Variants in RING1 observed in about 807,000 individuals in gnomAD.
RING1 encodes E3 ubiquitin-protein ligase RING1.
In RING1, 8 loss-of-function variants were observed where a neutral mutation model predicts 35.0. The observed-to-expected ratio is 0.23, with a 90% CI of 0.13 to 0.41. The LOEUF (loss-of-function observed/expected upper bound fraction) is 0.41, where lower values mean the gene tolerates loss of function less well. Among genes scored for constraint, RING1 ranks in the 10% least tolerant of loss-of-function variants. The probability of loss-of-function intolerance (pLI) is 1.00; values close to 1 mark genes in which losing one functional copy is unlikely to be tolerated. For missense variants in RING1, 343 were observed against 546.8 expected (o/e 0.63, Z 3.72); for synonymous variants, 214 against 224.3 (o/e 0.95, Z 0.41).
chr6:33,211,230 C>T lies in RING1; in HGVS notation c.528C>T (p.Pro176=), dbSNP rs373876015. 6.0e-5 allele frequency: 97 copies of T among 1,612,582 alleles called. No individual in the cohort carries two copies. The highest frequency in any genetic ancestry group is 7.4e-5 in the Non-Finnish European group (87 of 1,179,964). The part of the protein sequence containing the change: ...TTTMSGGEGE[P]GEGEGDGEDV... Reference sequence around the variant, plus strand: ...CGATGAGTGGGGGGGAAGGAGAGCCCGGGGAGGGAGAAGGGGATGGAGAAG... The same window carrying T: ...CGATGAGTGGGGGGGAAGGAGAGCCTGGGGAGGGAGAAGGGGATGGAGAAG... The change falls in exon 5 of 7, where the codon CCC becomes CCT. Residue 176 remains proline (P), a synonymous_variant. Coordinates refer to ENST00000374656, the MANE Select transcript of RING1 (RefSeq NM_002931.4). The surrounding 1 kb of genome is among the most constrained non-coding windows in gnomAD (Gnocchi z 6.3).
At chr6:33,212,262 CTCTT>C (rs1775600329) in intron 6 of RING1, 32 bp from the exon 7 acceptor site, 8 of 1,401,568 alleles carry the variant, frequency 5.7e-6, no homozygotes, top group Non-Finnish European at 7.9e-6. Context: ...ACTTTCCTCT[CTCTT>C]TTCCCCTCTC....
In RING1 at chr6:33,209,596, C is replaced by T; in HGVS notation, c.79-30C>T. 1.2e-6 allele frequency: 2 copies of T among 1,603,504 alleles called. No individual in the cohort carries two copies. The highest frequency in any genetic ancestry group is 1.7e-6 in the Non-Finnish European group (2 of 1,173,160). On this transcript the variant is annotated intron_variant, in intron 2 of 6. Coordinates refer to ENST00000374656, the MANE Select transcript of RING1 (RefSeq NM_002931.4). This position sits in a 1 kb window ranked among gnomAD's most constrained non-coding sequence, Gnocchi z 5.1. ...CTAAAACCCCTTTCCCTCTAACCCA[C>T]ACCACCTTTCTACTCACTGATGCCT...
At position 33,209,593 on chromosome 6, in the gene RING1, C is replaced by G; in HGVS notation, c.79-33C>G. ...TTTCTAAAACCCCTTTCCCTCTAAC[C>G]CACACCACCTTTCTACTCACTGATG... is the stretch of plus-strand genomic sequence containing the variant. On this transcript the variant is annotated intron_variant, in intron 2 of 6. Coordinates refer to ENST00000374656, the MANE Select transcript of RING1 (RefSeq NM_002931.4). The surrounding 1 kb of genome is among the most constrained non-coding windows in gnomAD (Gnocchi z 5.1). 6.2e-7 allele frequency: 1 copy of G among 1,602,218 alleles called. No individual in the cohort carries two copies. Among genetic ancestry groups the G allele is most frequent in the East Asian group, 2.2e-5 (1 of 44,652 alleles).
Position 33,209,306 on chromosome 6 carries a change from G to T in RING1, c.79-320G>T, listed in dbSNP as rs997462658. 13 of 565,578 alleles carry T rather than the reference G, an allele frequency of 2.3e-5. No individual in the cohort carries two copies. The highest frequency in any genetic ancestry group is 3.8e-5 in the Non-Finnish European group (12 of 316,296). The allele number at this position is 565,578 out of a possible 1,614,324, so 35.0% of individuals were successfully genotyped here. ...GGCACCCTATGGGGTTCTAATACAG[G>T]TAGCACCAGGACTTTAAAAAATTTT... is the stretch of plus-strand genomic sequence containing the variant. On this transcript the variant is annotated intron_variant, in intron 2 of 6. Transcript: ENST00000374656. The surrounding 1 kb of genome is among the most constrained non-coding windows in gnomAD (Gnocchi z 5.1).
At position 33,211,128 on chromosome 6, in the gene RING1, C is replaced by T. The variant is rs1345368364; in HGVS notation, c.456-30C>T. The stretch of plus-strand genomic sequence containing the variant: ...AAGTCTAAGCCCTTTATCCTGGATG[C>T]CTTCTAACCTTAACCACTTGCTTCT... On this transcript the variant is annotated intron_variant, in intron 4 of 6. Coordinates refer to ENST00000374656, the MANE Select transcript of RING1 (RefSeq NM_002931.4). This position sits in a 1 kb window ranked among gnomAD's most constrained non-coding sequence, Gnocchi z 6.3. The T allele has an allele frequency of 6.5e-7, 1 of 1,541,692 alleles. No individual in the cohort carries two copies. The highest frequency in any genetic ancestry group is 8.8e-7 in the Non-Finnish European group (1 of 1,142,140).
At chr6:33,212,253 C>G in intron 6 of RING1, 45 bp from the exon 7 acceptor site, 1 of 1,344,370 alleles carries the variant, frequency 7.4e-7, no homozygotes, top group Non-Finnish European at 1.0e-6. Context: ...TCTTCTCCAA[C>G]TTTCCTCTCT....
At position 33,212,457 on chromosome 6, in the gene RING1, A is replaced by G. The variant is rs569812532; in HGVS notation, c.*58A>G. The G allele has an allele frequency of 4.9e-5, 57 of 1,161,682 alleles. No homozygotes were observed. The East Asian group carries it at 1.3e-3, about 26-fold the overall frequency. The allele number at this position is 1,161,682 out of a possible 1,614,324, so 72.0% of individuals were successfully genotyped here. A position where few individuals can be genotyped will look rare whatever the true frequency, so the allele number is the denominator to read the frequency against. On this transcript the variant is annotated 3_prime_UTR_variant, in exon 7 of 7. Transcript: ENST00000374656. ...ATGGGGTATCCCTGTGTCCTGGTCT[A>G]TCACCCCAGCTTCTTTGTCCCCCAG...
rs1775570359 is a variant in RING1 at position 33,211,938 on chromosome 6, G to T, written c.1055G>T (p.Ser352Ile). ...GGTCCTGAGGAGCCTGCTTTGCCCA[G>T]CCTGGAGGGCGTCAGTGAAAAGCAG... The part of the protein sequence containing the change: ...GDGPEEPALP[S>I]LEGVSEKQYT... The change falls in exon 6 of 7, where the codon AGC (serine) becomes ATC (isoleucine). Residue 352 changes from serine (S) to isoleucine (I), a missense_variant. By Grantham distance (142) the Ser-to-Ile change is moderately radical. Around this residue, in one of 2 missense-constraint regions of RING1, gnomAD observed 278 missense variants for 383.5 expected, o/e 0.72. Transcript: ENST00000374656. This position sits in a 1 kb window ranked among gnomAD's most constrained non-coding sequence, Gnocchi z 6.3. 4 of 1,593,300 alleles carry T rather than the reference G, an allele frequency of 2.5e-6. No individual in the cohort carries two copies. The highest frequency in any genetic ancestry group is 3.4e-6 in the Non-Finnish European group (4 of 1,170,100).
rs1239791747 is a variant in RING1 at position 33,208,503 on chromosome 6, G to A, written c.-200G>A. The A allele has an allele frequency of 4.7e-6, 2 of 421,486 alleles. No homozygotes were observed. Among genetic ancestry groups the A allele is most frequent in the Non-Finnish European group, 8.3e-6 (2 of 241,176 alleles). The allele number at this position is 421,486 out of a possible 1,614,324, so 26.1% of individuals were successfully genotyped here. Reference sequence around the variant, plus strand: ...CGGAGGAGCAGGCGGAAGTGACGTAGGGCCCCAGCGCCCGGGCCATGGCGG... The same window carrying A: ...CGGAGGAGCAGGCGGAAGTGACGTAAGGCCCCAGCGCCCGGGCCATGGCGG... On this transcript the variant is annotated 5_prime_UTR_variant, in exon 1 of 7. Coordinates refer to ENST00000374656, the MANE Select transcript of RING1 (RefSeq NM_002931.4). This position sits in a 1 kb window ranked among gnomAD's most constrained non-coding sequence, Gnocchi z 6.2.
rs745482741 is a variant in RING1 at position 33,211,457 on chromosome 6, C to T, written c.755C>T (p.Ala252Val). ...GTLGPPSPPG[A>V]PSPPEPGGEI... ...CTGGGCCCCCCAAGCCCTCCTGGGG[C>T]CCCCAGCCCCCCAGAGCCAGGTGGA... Residue 252 changes from alanine to valine, a missense_variant, in exon 5 of 7, where the codon GCC becomes GTC. Ala to Val is a moderately conservative substitution (Grantham distance 64, BLOSUM62 0). Transcript: ENST00000374656. This position sits in a 1 kb window ranked among gnomAD's most constrained non-coding sequence, Gnocchi z 6.3. The T allele has an allele frequency of 5.0e-6, 8 of 1,589,496 alleles. No homozygotes were observed. The highest frequency in any genetic ancestry group is 3.5e-5 in the Admixed American group (2 of 57,022).
In RING1 at chr6:33,211,188, G is replaced by T; in HGVS notation, c.486G>T (p.Gly162=). 1 of 1,611,410 alleles carries T rather than the reference G, an allele frequency of 6.2e-7. No individual in the cohort carries two copies. The highest frequency in any genetic ancestry group is 8.5e-7 in the Non-Finnish European group (1 of 1,178,920). ...AGCGTGTGAGGCGGCCGATACCAGG[G>T]TCAGATCAGACCACAACGATGAGTG... ...RAQRVRRPIP[G]SDQTTTMSGG... The change falls in exon 5 of 7, where the codon GGG becomes GGT. Residue 162 remains glycine, a synonymous_variant. Coordinates refer to ENST00000374656, the MANE Select transcript of RING1 (RefSeq NM_002931.4). The surrounding 1 kb of genome is among the most constrained non-coding windows in gnomAD (Gnocchi z 6.3).
chr6:33,209,534 G>C lies in RING1; in HGVS notation c.79-92G>C. 1 of 1,299,306 alleles carries C rather than the reference G, an allele frequency of 7.7e-7. No individual in the cohort carries two copies. The highest frequency in any genetic ancestry group is 1.1e-6 in the Non-Finnish European group (1 of 928,740). 80.5% of individuals were successfully genotyped at this position (1,299,306 alleles called of 1,614,324 possible). On this transcript the variant is annotated intron_variant, in intron 2 of 6. Transcript: ENST00000374656. The surrounding 1 kb of genome is among the most constrained non-coding windows in gnomAD (Gnocchi z 5.1). Reference sequence around the variant, plus strand: ...AGAGACCAACATGGGTCTTCTCACTGTATTTCTCAAAATTCTTATTTTATG... The same window carrying C: ...AGAGACCAACATGGGTCTTCTCACTCTATTTCTCAAAATTCTTATTTTATG...
At chr6:33,210,890 A>G (rs902252830) in intron 4 of RING1, among the ~76,000 whole-genome samples, 2 of 152,166 alleles carry the variant, frequency 1.3e-5, no homozygotes, top group African/African-American at 2.4e-5. Flanking sequence ...GTGACAGCCT[A>G]TGATCACTAA....
intron 4 of RING1, among the ~76,000 whole-genome samples, chr6:33,210,887 C>T (rs758358385): frequency 5.9e-5 from 9 of 152,144 alleles, no homozygotes; most frequent in Admixed American, 1.3e-4. Flanking sequence ...GAGGTGACAG[C>T]CTATGATCAC....
chr6:33,212,131 C>T (rs1775589531), intron 6 of RING1, 129 bp downstream of exon 6: 6 of 847,458 alleles, frequency 7.1e-6, no homozygotes, highest in African/African-American at 5.1e-5. Context: ...CTTTCTATGT[C>T]CCCTCTCCTT....
In RING1 at chr6:33,209,655, T is replaced by C; in HGVS notation, c.108T>C (p.Ala36=). ...QEAIMDGTEI[A]VSPRSLHSEL... ...CCATAATGGATGGCACAGAGATTGC[T>C]GTTTCCCCTCGGTCACTGCATTCAG... The change falls in exon 3 of 7, where the codon GCT becomes GCC. Residue 36 remains alanine, a synonymous_variant. Transcript: ENST00000374656. This position sits in a 1 kb window ranked among gnomAD's most constrained non-coding sequence, Gnocchi z 5.1. 6.2e-7 allele frequency: 1 copy of C among 1,613,106 alleles called. No homozygotes were observed. The highest frequency in any genetic ancestry group is 8.5e-7 in the Non-Finnish European group (1 of 1,180,026).
In RING1 at chr6:33,211,666, C is replaced by G. The variant is rs1379369394; in HGVS notation, c.846-63C>G. ...CCAACCCAGAATCCATTTTGGAAAGCCCCTACCTCCAGTCCTCATCTGAGG... is the reference window on the plus strand; with the variant it reads ...CCAACCCAGAATCCATTTTGGAAAGGCCCTACCTCCAGTCCTCATCTGAGG... On this transcript the variant is annotated intron_variant, in intron 5 of 6. Coordinates refer to ENST00000374656, the MANE Select transcript of RING1 (RefSeq NM_002931.4). This position sits in a 1 kb window ranked among gnomAD's most constrained non-coding sequence, Gnocchi z 6.3. 6.5e-7 allele frequency: 1 copy of G among 1,538,302 alleles called. No individual in the cohort carries two copies. Among genetic ancestry groups the G allele is most frequent in the African/African-American group, 1.4e-5 (1 of 72,478 alleles).
chr6:33,210,468 G>A (rs544984915), intron 4 of RING1, among the ~76,000 whole-genome samples: 1 of 152,150 alleles, frequency 6.6e-6, no homozygotes, highest in Admixed American at 6.5e-5. Flanking sequence ...GGGCATGGTG[G>A]CACATGCCTG....
At position 33,209,128 on chromosome 6, in the gene RING1, C is replaced by CAA. The variant is rs1229411738; in HGVS notation, c.78+230_78+231dup. On this transcript the variant is annotated intron_variant, in intron 2 of 6. Coordinates refer to ENST00000374656, the MANE Select transcript of RING1 (RefSeq NM_002931.4). This position sits in a 1 kb window ranked among gnomAD's most constrained non-coding sequence, Gnocchi z 5.1. ...ATTATTATCTTCATTTGAAAGATCA[C>CAA]AAACACAAAAATTACCTTCCCTGTT... is the stretch of plus-strand genomic sequence containing the variant. 1.4e-6 allele frequency: 1 copy of CAA among 698,270 alleles called. No individual in the cohort carries two copies. The highest frequency in any genetic ancestry group is 1.7e-5 in the African/African-American group (1 of 57,168). The allele number at this position is 698,270 out of a possible 1,614,324, so 43.3% of individuals were successfully genotyped here.
Sources: allele counts gnomAD v4.1 joint callset (sites outside exome capture counted in the v4.1 genomes callset), GRCh38; gene constraint gnomAD v4.1.1; regional missense constraint gnomAD v4.1.1; non-coding constraint Gnocchi (gnomAD v3.1); transcripts MANE v1.5; gene names NCBI Gene and HGNC (gene_info 2026-07-23, HGNC 2026-07-21).